Variants in MIB1 observed in about 807,000 individuals in gnomAD.
The protein encoded by MIB1 is E3 ubiquitin-protein ligase MIB1.
In MIB1, 278 loss-of-function variants were observed where a neutral mutation model predicts 124.5. The observed-to-expected ratio is 2.23, with a 90% confidence interval of 2.02 to 2.47. The LOEUF (loss-of-function observed/expected upper bound fraction) is 2.47, where lower values mean the gene tolerates loss of function less well. Ranked by LOEUF, MIB1 falls within the 30% of genes most tolerant of loss-of-function variation. The pLI is 0.00. For missense variants in MIB1, 957 were observed against 1,254.4 expected (o/e 0.76, Z 3.58); for synonymous variants, 446 against 429.4 (o/e 1.04, Z -0.48).
chr18:21,830,123 A>T (rs1378193802), intron 12 of MIB1, among the ~76,000 whole-genome samples: 1 of 152,166 alleles, frequency 6.6e-6, no homozygotes, highest in Non-Finnish European at 1.5e-5. Flanking sequence ...GCAAATCAGA[A>T]TGTAGCAGTA....
At position 21,741,573 on chromosome 18, in the gene MIB1, C is replaced by A; in HGVS notation, c.-11C>A. ...GCGGCGGCAGCGGCGGAGCCCACCGCCCGGGCCCCGATGAGTAACTCCCGG... is the reference window on the plus strand; with the variant it reads ...GCGGCGGCAGCGGCGGAGCCCACCGACCGGGCCCCGATGAGTAACTCCCGG... On this transcript the variant is annotated 5_prime_UTR_variant, in exon 1 of 21. Transcript: ENST00000261537. This position sits in a 1 kb window ranked among gnomAD's most constrained non-coding sequence, Gnocchi z 5.4. 1.4e-6 allele frequency: 2 copies of A among 1,435,730 alleles called. No homozygotes were observed. Among genetic ancestry groups the A allele is most frequent in the Non-Finnish European group, 1.8e-6 (2 of 1,094,468 alleles). The allele number at this position is 1,435,730 out of a possible 1,614,324, so 88.9% of individuals were successfully genotyped here. A position where few individuals can be genotyped will look rare whatever the true frequency, so the allele number is the denominator to read the frequency against.
intron 13 of MIB1, among the ~76,000 whole-genome samples, chr18:21,842,870 C>T (rs771120231): frequency 2.6e-5 from 4 of 152,024 alleles, no homozygotes; most frequent in Non-Finnish European, 4.4e-5. Context: ...GTGCTTTGTC[C>T]TTTTTAACTG....
intron 1 of MIB1, among the ~76,000 whole-genome samples, chr18:21,761,764 A>T (rs1363365912): frequency 6.6e-6 from 1 of 152,254 alleles, no homozygotes; most frequent in African/African-American, 2.4e-5. Flanking sequence ...CAGGATTCAC[A>T]ACCTGCCTGC....
At chr18:21,846,781 C>G (rs1374920122) in intron 15 of MIB1, among the ~76,000 whole-genome samples, 163 bp from the exon 16 acceptor site, 1 of 152,150 alleles carries the variant, frequency 6.6e-6, no homozygotes, top group Non-Finnish European at 1.5e-5. Context: ...CTGGAGAAAG[C>G]ATACTTGTGT....
intron 1 of MIB1, among the ~76,000 whole-genome samples, chr18:21,709,470 A>G (rs1466871620): frequency 6.6e-6 from 1 of 152,216 alleles, no homozygotes; most frequent in African/African-American, 2.4e-5. Context: ...CTCTGGAAAC[A>G]GGGTGTTACC....
intron 16 of MIB1, 41 bp from the exon 17 acceptor site, chr18:21,849,154 TG>T: frequency 8.0e-7 from 1 of 1,247,154 alleles, no homozygotes. Flanking sequence ...TTAGTGAATT[TG>T]TAATAAGATA....
upstream of MIB1, among the ~76,000 whole-genome samples, chr18:21,736,028 A>G (rs930478040): frequency 2.0e-5 from 3 of 152,238 alleles, no homozygotes; most frequent in African/African-American, 7.2e-5. Flanking sequence ...GAGCTCTGAT[A>G]AGGGACAGAC....
At chr18:21,738,901 T>C (rs1468934344), upstream of MIB1, among the ~76,000 whole-genome samples, 1 of 119,794 alleles carries the variant, frequency 8.3e-6, no homozygotes, top group Non-Finnish European at 1.8e-5. Context: ...GCAAACAAAT[T>C]CAAAAGCTAG....
intron 16 of MIB1, among the ~76,000 whole-genome samples, chr18:21,847,893 A>C (rs1031973104): frequency 2.6e-5 from 4 of 152,326 alleles, no homozygotes; most frequent in Admixed American, 2.6e-4. Flanking sequence ...GATTTTATAG[A>C]TGTACAAAAA....
chr18:21,745,675 AACACACACACACAC>A (rs144491531), intron 1 of MIB1, among the ~76,000 whole-genome samples: 18 of 144,750 alleles, frequency 1.2e-4, no homozygotes, highest in Middle Eastern at 3.5e-3. Context: ...ATAGGTGTTA[AACACACACACACAC>A]ACACACACAC....
chr18:21,765,862 AT>A lies in MIB1; in HGVS notation c.323del (p.Leu108CysfsTer13). 1 of 1,614,172 alleles carries A rather than the reference AT, an allele frequency of 6.2e-7. No homozygotes were observed. The highest frequency in any genetic ancestry group is 8.5e-7 in the Non-Finnish European group (1 of 1,179,996). Reference sequence around the variant, plus strand: ...AAGTGTGCAGAGTGTACAAATTATGATTTGTGCACAGTGTGTTATCATGGAG... The same window carrying A: ...AAGTGTGCAGAGTGTACAAATTATGATTGTGCACAGTGTGTTATCATGGAG... The part of the protein sequence containing the change: ...RWKCAECTNY[D>X]LCTVCYHGDK... On this transcript the variant is annotated frameshift_variant, in exon 2 of 21. Coordinates refer to ENST00000261537, the MANE Select transcript of MIB1 (RefSeq NM_020774.4). LOFTEE classifies it high-confidence loss of function.
intron 1 of MIB1, among the ~76,000 whole-genome samples, chr18:21,719,151 G>A (rs1233174144): frequency 1.3e-5 from 2 of 150,214 alleles, no homozygotes; most frequent in Non-Finnish European, 3.0e-5. Context: ...TCATGCCATT[G>A]CACTGCAACC....
intron 1 of MIB1, among the ~76,000 whole-genome samples, chr18:21,734,592 G>T (rs552484836): frequency 6.6e-6 from 1 of 150,824 alleles, no homozygotes; most frequent in African/African-American, 2.4e-5. Flanking sequence ...GCAGTGGCAC[G>T]ATCTCAGCTC....
rs367579122 is a variant in MIB1, at chr18:21,844,097, G to A, written c.2055G>A (p.Leu685=). 5.6e-6 allele frequency: 9 copies of A among 1,613,554 alleles called. No homozygotes were observed. Among genetic ancestry groups the A allele is most frequent in the Non-Finnish European group, 7.6e-6 (9 of 1,179,912 alleles). ...GAGACATCTTTCTCTTTTAGCTTTT[G>A]GTCCGTGCAGGTGCCAAGCTTGATA... is the stretch of plus-strand genomic sequence containing the variant. ...ERQHTQIVRL[L]VRAGAKLDIQ... is the part of the protein sequence containing the mutation. The change falls in exon 15 of 21, where the codon TTG becomes TTA. Residue 685 remains leucine (L), a synonymous_variant. Coordinates refer to ENST00000261537, the MANE Select transcript of MIB1 (RefSeq NM_020774.4).
intron 10 of MIB1, among the ~76,000 whole-genome samples, chr18:21,805,595 A>G (rs1052241285): frequency 1.3e-5 from 2 of 152,062 alleles, no homozygotes; most frequent in African/African-American, 2.4e-5. Flanking sequence ...CTTGAGTTGA[A>G]TATCTGATTT....
Position 21,866,757 on chromosome 18 carries a change from A to G in MIB1, c.*2091A>G, listed in dbSNP as rs1237281551. The G allele has an allele frequency of 6.6e-6, 1 of 152,202 alleles. No homozygotes were observed. The highest frequency in any genetic ancestry group is 2.1e-4 in the South Asian group (1 of 4,830). 9.4% of individuals were successfully genotyped at this position (152,202 alleles called of 1,614,324 possible). A position where few individuals can be genotyped will look rare whatever the true frequency, so the allele number is the denominator to read the frequency against. On this transcript the variant is annotated 3_prime_UTR_variant, in exon 21 of 21. Transcript: ENST00000261537. Reference sequence around the variant, plus strand: ...ATTTCCTTTATAAGAATATGACATAAATTTTTATTATAGAAATAATGTCAT... The same window carrying G: ...ATTTCCTTTATAAGAATATGACATAGATTTTTATTATAGAAATAATGTCAT...
Position 21,779,513 on chromosome 18 carries a change from T to C in MIB1, c.736T>C (p.Leu246=), listed in dbSNP as rs188600853. 976 of 1,614,118 alleles carry C rather than the reference T, an allele frequency of 6.0e-4. 1 individual carries two copies. The highest frequency in any genetic ancestry group is 7.8e-4 in the Non-Finnish European group (916 of 1,179,990). ...GAATGGCAACAGGAATCCTGGTGGA[T>C]TGCAGATTGGTGACCTGGTAAATAT... ...EQNGNRNPGG[L]QIGDLVNIDL... is the part of the protein sequence containing the mutation. The change falls in exon 6 of 21, where the codon TTG becomes CTG. Residue 246 remains leucine, a synonymous_variant. Coordinates refer to ENST00000261537, the MANE Select transcript of MIB1 (RefSeq NM_020774.4).
At chr18:21,798,994 T>G (rs1446865699) in intron 8 of MIB1, among the ~76,000 whole-genome samples, 1 of 152,126 alleles carries the variant, frequency 6.6e-6, no homozygotes, top group Non-Finnish European at 1.5e-5. Context: ...TTTGCTAGTA[T>G]GCTTAACATT....
intron 12 of MIB1, among the ~76,000 whole-genome samples, chr18:21,837,836 G>A (rs1000263551): frequency 6.6e-5 from 10 of 152,008 alleles, no homozygotes; most frequent in South Asian, 2.1e-4. Context: ...CACAATAATC[G>A]TCAGCTAAGA....
Sources: allele counts gnomAD v4.1 joint callset (sites outside exome capture counted in the v4.1 genomes callset), GRCh38; gene constraint gnomAD v4.1.1; non-coding constraint Gnocchi (gnomAD v3.1); transcripts MANE v1.5; gene names NCBI Gene and HGNC (gene_info 2026-07-23, HGNC 2026-07-21).